Variants in SENP7 observed in about 807,000 individuals in gnomAD.
SENP7 encodes the protein sentrin-specific protease 7.
Under a neutral mutation model 141.2 loss-of-function variants are expected in SENP7, and 64 were observed. The observed-to-expected ratio is 0.45, with a 90% CI of 0.37 to 0.56. The LOEUF is 0.56. Ranked by LOEUF, SENP7 falls within the 20% of genes least tolerant of loss-of-function variation. The pLI, the probability that SENP7 is intolerant of heterozygous loss-of-function variation, is 0.00. For missense variants in SENP7, 1,025 were observed against 1,212.2 expected (o/e 0.85, Z 2.29); for synonymous variants, 382 against 426.4 (o/e 0.90, Z 1.28).
At chr3:101,480,800 T>TAGAGC (rs2064438527) in intron 3 of SENP7, among the ~76,000 whole-genome samples, 1 of 152,026 alleles carries the variant, frequency 6.6e-6, no homozygotes, top group African/African-American at 2.4e-5. Flanking sequence ...CAAATCCCGT[T>TAGAGC]AAACAGTGGG....
At chr3:101,326,607 T>C (rs549055593) in intron 23 of SENP7, among the ~76,000 whole-genome samples, 1 of 152,244 alleles carries the variant, frequency 6.6e-6, no homozygotes, top group South Asian at 2.1e-4. Context: ...AGTGATTCCT[T>C]GCTATTTAAA....
At chr3:101,498,620 G>A (rs777340691) in intron 2 of SENP7, among the ~76,000 whole-genome samples, 11 of 152,134 alleles carry the variant, frequency 7.2e-5, no homozygotes, top group Non-Finnish European at 1.3e-4. Flanking sequence ...ATGCAATGTG[G>A]GATCCTGGAT....
At chr3:101,428,601 T>A (rs111611073) in intron 4 of SENP7, among the ~76,000 whole-genome samples, 8 of 152,344 alleles carry the variant, frequency 5.3e-5, no homozygotes, top group African/African-American at 1.9e-4. Flanking sequence ...ATATTAGCCC[T>A]TTGTCAGATG....
At chr3:101,335,804 A>T (rs2059169358) in intron 17 of SENP7, among the ~76,000 whole-genome samples, 1 of 152,166 alleles carries the variant, frequency 6.6e-6, no homozygotes. Context: ...AATGTTACCT[A>T]ATTTATTTAA....
intron 4 of SENP7, among the ~76,000 whole-genome samples, chr3:101,453,704 C>T (rs755969106): frequency 1.0e-4 from 15 of 148,156 alleles, no homozygotes; most frequent in Admixed American, 4.7e-4. Flanking sequence ...CATCACACAC[C>T]GGGGCCTGTT....
intron 2 of SENP7, 142 bp from the exon 3 acceptor site, chr3:101,494,110 C>A (rs3846090): frequency 4.8e-6 from 2 of 418,518 alleles, no homozygotes; most frequent in Non-Finnish European, 8.6e-6. Flanking sequence ...AATTTATATA[C>A]AATTAAATAT....
chr3:101,470,585 G>A (rs531093348), intron 3 of SENP7, among the ~76,000 whole-genome samples: 2 of 151,992 alleles, frequency 1.3e-5, no homozygotes, highest in African/African-American at 4.8e-5. Context: ...CTTTGAAAAC[G>A]GGCACAAGAC....
chr3:101,463,724 C>T (rs1559866132), intron 3 of SENP7, among the ~76,000 whole-genome samples: 1 of 151,914 alleles, frequency 6.6e-6, no homozygotes. Context: ...ATCTCAACAA[C>T]TCACAAAAGA....
intron 6 of SENP7, among the ~76,000 whole-genome samples, chr3:101,391,503 T>A (rs906300867): frequency 2.6e-5 from 4 of 151,820 alleles, no homozygotes; most frequent in African/African-American, 7.3e-5. Flanking sequence ...AACTGAAAAA[T>A]TCCTAGAGAC....
At chr3:101,424,875 G>A (rs1425245113) in intron 4 of SENP7, among the ~76,000 whole-genome samples, 16 of 152,304 alleles carry the variant, frequency 1.1e-4, no homozygotes, top group Non-Finnish European at 1.5e-5. Flanking sequence ...CCCACGTGTT[G>A]TGGGAGGGAC....
intron 6 of SENP7, among the ~76,000 whole-genome samples, chr3:101,376,887 G>GA (rs2060351949): frequency 6.6e-6 from 1 of 151,548 alleles, no homozygotes; most frequent in Admixed American, 6.6e-5. Flanking sequence ...TAACAACAGA[G>GA]AAAAAAAAGA....
chr3:101,327,941 A>G, intron 22 of SENP7, 125 bp from the exon 23 acceptor site: 1 of 676,296 alleles, frequency 1.5e-6, no homozygotes. Flanking sequence ...TCCACACTGA[A>G]TTTTAGCAGT....
intron 4 of SENP7, among the ~76,000 whole-genome samples, chr3:101,436,007 T>C (rs1004326378): frequency 2.6e-5 from 4 of 152,126 alleles, no homozygotes; most frequent in African/African-American, 9.7e-5. Context: ...AGAATCACAT[T>C]ACCTGACTTC....
intron 23 of SENP7, among the ~76,000 whole-genome samples, chr3:101,326,646 TACAA>T (rs2058907795): frequency 6.6e-6 from 1 of 152,176 alleles, no homozygotes; most frequent in African/African-American, 2.4e-5. Context: ...CTACAGTTCC[TACAA>T]AGTCTCTGTG....
intron 6 of SENP7, among the ~76,000 whole-genome samples, chr3:101,397,220 T>C (rs1466370511): frequency 6.6e-6 from 1 of 151,742 alleles, no homozygotes; most frequent in African/African-American, 2.4e-5. Flanking sequence ...CAATCTTGAA[T>C]TCCTGGGCTC....
At chr3:101,472,604 T>A (rs1052015070) in intron 3 of SENP7, among the ~76,000 whole-genome samples, 3 of 151,936 alleles carry the variant, frequency 2.0e-5, no homozygotes, top group Admixed American at 6.6e-5. Context: ...TACCTATGTA[T>A]CAAACCTGCA....
At chr3:101,327,901 G>T in intron 22 of SENP7, 85 bp from the exon 23 acceptor site, 1 of 1,138,810 alleles carries the variant, frequency 8.8e-7, no homozygotes, top group Non-Finnish European at 1.2e-6. Context: ...AAAAACATTT[G>T]TTGCCAGATG....
chr3:101,352,452 C>T (rs2059636519), intron 11 of SENP7, among the ~76,000 whole-genome samples: 1 of 152,024 alleles, frequency 6.6e-6, no homozygotes, highest in South Asian at 2.1e-4. Flanking sequence ...AATTCCCTTC[C>T]AACTGAGGTT....
At chr3:101,481,837 G>A (rs138378809) in intron 3 of SENP7, among the ~76,000 whole-genome samples, 84 of 152,160 alleles carry the variant, frequency 5.5e-4, no homozygotes, top group East Asian at 2.9e-3. Context: ...TGCAGATGAC[G>A]TAACTGTCGA....
Sources: allele counts gnomAD v4.1 joint callset (sites outside exome capture counted in the v4.1 genomes callset), GRCh38; gene constraint gnomAD v4.1.1; transcripts MANE v1.5; gene names NCBI Gene and HGNC (gene_info 2026-07-23, HGNC 2026-07-21).